Variants in MAGI1 observed in about 807,000 individuals in gnomAD.
MAGI1 encodes membrane-associated guanylate kinase, WW and PDZ domain-containing protein 1.
A neutral mutation model predicts 139.9 loss-of-function variants in MAGI1; 58 were observed. That is an observed-to-expected ratio of 0.41 (90% CI 0.34 to 0.52). MAGI1 has a LOEUF of 0.52. MAGI1 is among the 20% of genes least tolerant of loss of function. The pLI, the probability that MAGI1 is intolerant of heterozygous loss-of-function variation, is 0.12. For synonymous variants in MAGI1, 812 were observed against 737.9 expected (o/e 1.10, Z -1.63); for missense variants, 1,874 against 1,901.6 (o/e 0.99, Z 0.27).
chr3:65,460,585 T>A (rs1224238228), intron 5 of MAGI1, among the ~76,000 whole-genome samples: 1 of 152,178 alleles, frequency 6.6e-6, no homozygotes, highest in Admixed American at 6.5e-5. Flanking sequence ...CAGGGATACA[T>A]GTGCAGAACA....
At chr3:65,808,459 C>A (rs1168539973) in intron 1 of MAGI1, among the ~76,000 whole-genome samples, 1 of 152,062 alleles carries the variant, frequency 6.6e-6, no homozygotes. Context: ...AATCGTGCCA[C>A]TGCAATCCAG....
chr3:65,881,295 T>A (rs1201479257), intron 1 of MAGI1, among the ~76,000 whole-genome samples: 1 of 152,114 alleles, frequency 6.6e-6, no homozygotes, highest in Non-Finnish European at 1.5e-5. Flanking sequence ...AGGAAACAGA[T>A]AATAAATATC....
intron 1 of MAGI1, among the ~76,000 whole-genome samples, chr3:65,978,446 G>A (rs560732700): frequency 2.6e-5 from 4 of 151,980 alleles, no homozygotes; most frequent in Non-Finnish European, 5.9e-5. Context: ...GGAAGAGAAG[G>A]CCAGGGGAGG....
intron 1 of MAGI1, chr3:65,718,472 G>A (rs1185567910): frequency 6.6e-6 from 1 of 152,042 alleles, no homozygotes; most frequent in African/African-American, 2.4e-5. Context: ...TTGTACCTTT[G>A]CTCTATCTTT....
chr3:65,659,879 A>T (rs1157191265), intron 1 of MAGI1, among the ~76,000 whole-genome samples: 1 of 152,122 alleles, frequency 6.6e-6, no homozygotes, highest in Admixed American at 6.5e-5. Context: ...CCAATCTCCA[A>T]ATGAGTGGAT....
At chr3:65,651,753 A>G (rs1192876671) in intron 1 of MAGI1, among the ~76,000 whole-genome samples, 1 of 152,028 alleles carries the variant, frequency 6.6e-6, no homozygotes, top group Non-Finnish European at 1.5e-5. Flanking sequence ...CCTTTTTTGC[A>G]TATTTGAAAG....
At chr3:65,451,457 T>C (rs975799805) in intron 6 of MAGI1, among the ~76,000 whole-genome samples, 2 of 152,228 alleles carry the variant, frequency 1.3e-5, no homozygotes, top group East Asian at 3.9e-4. Flanking sequence ...GAGTAGTCAT[T>C]ATCCAAAATG....
chr3:65,962,353 T>C (rs1458343208), intron 1 of MAGI1, among the ~76,000 whole-genome samples: 1 of 151,480 alleles, frequency 6.6e-6, no homozygotes, highest in African/African-American at 2.4e-5. Context: ...GATCTCCTGA[T>C]CTCGTGATCC....
At chr3:65,471,813 G>A (rs1426696100) in intron 4 of MAGI1, among the ~76,000 whole-genome samples, 1 of 152,176 alleles carries the variant, frequency 6.6e-6, no homozygotes, top group Admixed American at 6.5e-5. Context: ...AGATTTACTG[G>A]AACCATGAAG....
intron 9 of MAGI1, among the ~76,000 whole-genome samples, chr3:65,438,436 G>A (rs905965244): frequency 1.3e-5 from 2 of 152,162 alleles, no homozygotes; most frequent in African/African-American, 4.8e-5. Context: ...TACTATTTGG[G>A]TAATGGTTAC....
chr3:65,976,815 T>C (rs1184511605), intron 1 of MAGI1, among the ~76,000 whole-genome samples: 2 of 152,210 alleles, frequency 1.3e-5, no homozygotes, highest in African/African-American at 4.8e-5. Flanking sequence ...TTAGAAGCTG[T>C]GCAGTGTCAT....
At chr3:65,852,908 G>A (rs1327711321) in intron 1 of MAGI1, among the ~76,000 whole-genome samples, 1 of 151,478 alleles carries the variant, frequency 6.6e-6, no homozygotes, top group Non-Finnish European at 1.5e-5. Flanking sequence ...AGCCGAGGTG[G>A]GCAGATCATG....
At chr3:65,719,242 T>C (rs996671648) in intron 1 of MAGI1, among the ~76,000 whole-genome samples, 9 of 151,858 alleles carry the variant, frequency 5.9e-5, no homozygotes, top group Non-Finnish European at 1.0e-4. Context: ...CTTATATGGA[T>C]ATATATTACA....
intron 22 of MAGI1, chr3:65,359,010 A>G (rs1178080789): frequency 2.0e-6 from 3 of 1,468,376 alleles, no homozygotes; most frequent in Admixed American, 3.3e-5. Flanking sequence ...AGCAGAAGCA[A>G]TGAGGAAATT....
chr3:65,614,553 C>G (rs2083276423), intron 2 of MAGI1, among the ~76,000 whole-genome samples: 2 of 152,018 alleles, frequency 1.3e-5, no homozygotes, highest in South Asian at 4.2e-4. Context: ...ATAAACACAA[C>G]TTGGTTTTTT....
intron 2 of MAGI1, among the ~76,000 whole-genome samples, chr3:65,515,333 G>C (rs2077814508): frequency 6.6e-6 from 1 of 151,874 alleles, no homozygotes; most frequent in African/African-American, 2.4e-5. Context: ...TTTGAAGACA[G>C]CAATTTTTTA....
intron 1 of MAGI1, among the ~76,000 whole-genome samples, chr3:65,848,579 CTT>C (rs5849700): frequency 7.7e-4 from 114 of 147,198 alleles, no homozygotes; most frequent in African/African-American, 1.0e-3. Context: ...AAGTTGTATT[CTT>C]TTTTTTTTTT....
chr3:65,567,851 C>A (rs541804369), intron 2 of MAGI1, among the ~76,000 whole-genome samples: 29 of 151,424 alleles, frequency 1.9e-4, no homozygotes, highest in Non-Finnish European at 3.5e-4. Context: ...ACAAAAACAA[C>A]AAAAAAAAGG....
rs138486021 is a variant in MAGI1 at position 65,953,157 on chromosome 3, T to C, written c.313+84839A>G. Among the ~76,000 whole-genome samples, 228 of 152,288 alleles carry C rather than the reference T, an allele frequency of 1.5e-3. 1 individual carries two copies. The highest frequency in any genetic ancestry group is 4.7e-3 in the African/African-American group (197 of 41,568). ...CAAACGAAAACAAGCAACAAGACTC[T>C]ACTCATTGCAAGTGAGCAAAGGTTC... On this transcript the variant is annotated intron_variant, in intron 1 of 22. Transcript: ENST00000402939.
Sources: allele counts gnomAD v4.1 joint callset (sites outside exome capture counted in the v4.1 genomes callset), GRCh38; gene constraint gnomAD v4.1.1; transcripts MANE v1.5; gene names NCBI Gene and HGNC (gene_info 2026-07-23, HGNC 2026-07-21).